Variants in F11 observed in about 807,000 individuals in gnomAD.
F11 encodes the protein coagulation factor XI, also known as coagualtion factor XI.
Under a neutral mutation model 76.5 loss-of-function variants are expected in F11, and 78 were observed. That is an observed-to-expected ratio of 1.02 (90% CI 0.85 to 1.23). The LOEUF is 1.23. F11 is among the 50% of genes most tolerant of loss of function. F11 has a pLI of 0.00. For synonymous variants in F11, 278 were observed against 276.3 expected (o/e 1.01, Z -0.06); for missense variants, 742 against 771.4 (o/e 0.96, Z 0.45).
intron 14 of F11, 147 bp from the exon 15 acceptor site, chr4:186,288,306 C>T (rs1741366602): frequency 1.1e-6 from 1 of 892,410 alleles, no homozygotes; most frequent in South Asian, 1.4e-5. Flanking sequence ...AGGAGATTGA[C>T]TGGATGAACG....
intron 5 of F11, 183 bp downstream of exon 5, chr4:186,274,458 T>A: frequency 2.8e-6 from 2 of 708,976 alleles, no homozygotes; most frequent in Non-Finnish European, 4.8e-6. Context: ...GCATTTCATT[T>A]ATGGTAAGGA....
intron 2 of F11, among the ~76,000 whole-genome samples, 182 bp from the exon 3 acceptor site, chr4:186,271,427 C>T (rs77981687): frequency 8.9e-4 from 136 of 152,302 alleles, no homozygotes; most frequent in African/African-American, 3.1e-3. Flanking sequence ...TTGTGATTTT[C>T]GTTTCCACCT....
rs28934609 is a variant in F11, at chr4:186,288,518, C to A, written c.1782C>A (p.Ser594Arg). The A allele has an allele frequency of 2.5e-6, 4 of 1,614,144 alleles. No homozygotes were observed. Among genetic ancestry groups the A allele is most frequent in the Non-Finnish European group, 3.4e-6 (4 of 1,180,022 alleles). ...NEVWHLVGIT[S>R]WGEGCAQRER... Reference sequence around the variant, plus strand: ...TCTGGCATCTGGTAGGCATCACGAGCTGGGGCGAAGGCTGTGCTCAAAGGG... The same window carrying A: ...TCTGGCATCTGGTAGGCATCACGAGATGGGGCGAAGGCTGTGCTCAAAGGG... Residue 594 changes from serine (S) to arginine (R), a missense_variant, in exon 15 of 15, where the codon AGC becomes AGA. Physicochemically the swap from Ser to Arg is moderately radical, Grantham distance 110. Coordinates refer to ENST00000403665, the MANE Select transcript of F11 (RefSeq NM_000128.4).
In F11 at chr4:186,273,183, A is replaced by T. The variant is rs959968112; in HGVS notation, c.325+6A>T. Reference sequence around the variant, plus strand: ...ATGCTCACACCAAATAAGCGGTAAGATATGTTCTCAGAATCAACAAATACC... The same window carrying T: ...ATGCTCACACCAAATAAGCGGTAAGTTATGTTCTCAGAATCAACAAATACC... On this transcript the variant is annotated splice_donor_region_variant and intron_variant, in intron 4 of 14. Transcript: ENST00000403665. 1.2e-6 allele frequency: 2 copies of T among 1,603,352 alleles called. No homozygotes were observed. The highest frequency in any genetic ancestry group is 3.3e-5 in the Admixed American group (2 of 59,996).
chr4:186,278,594 T>A (rs1179710538), intron 7 of F11, among the ~76,000 whole-genome samples: 1 of 151,860 alleles, frequency 6.6e-6, no homozygotes, highest in Non-Finnish European at 1.5e-5. Context: ...TGTGAAGGAG[T>A]CAGTGATAGC....
At chr4:186,267,787 G>GTTATATTTAATT (rs1277672561) in intron 2 of F11, among the ~76,000 whole-genome samples, 1 of 152,236 alleles carries the variant, frequency 6.6e-6, no homozygotes, top group African/African-American at 2.4e-5. Flanking sequence ...ATGTCTACAT[G>GTTATATTTAATT]TTATATTTAA....
At chr4:186,279,971 T>G (rs1239202570) in intron 7 of F11, 41 bp from the exon 8 acceptor site, 1 of 1,456,274 alleles carries the variant, frequency 6.9e-7, no homozygotes, top group Non-Finnish European at 9.6e-7. Context: ...TTTTTATGTG[T>G]TTGATATGAT....
Position 186,286,561 on chromosome 4 carries a change from C to A in F11, c.1576+51C>A, listed in dbSNP as rs2289254. 0.053 allele frequency: 85,092 copies of A among 1,606,334 alleles called. 2,772 individuals are homozygous for A. Among genetic ancestry groups the A allele is most frequent in the Middle Eastern group, 0.12 (721 of 6,026 alleles). The stretch of plus-strand genomic sequence containing the variant: ...TCCATCCTAGAAATGAAGAGCGGAA[C>A]CTTTTCTGCCCTGTCAAGTCATGTA... On this transcript the variant is annotated intron_variant, in intron 13 of 14. Transcript: ENST00000403665.
At chr4:186,276,156 T>C in intron 6 of F11, 75 bp from the exon 7 acceptor site, 2 of 1,560,544 alleles carry the variant, frequency 1.3e-6, no homozygotes, top group Non-Finnish European at 1.8e-6. Context: ...TAATATGGAA[T>C]TTACACATAC....
At chr4:186,285,616 C>G (rs1561490700) in intron 11 of F11, 22 bp from the exon 12 acceptor site, 1 of 1,612,040 alleles carries the variant, frequency 6.2e-7, no homozygotes, top group Non-Finnish European at 8.5e-7. Context: ...AAATTTCTTT[C>G]CCTCTGTTGT....
chr4:186,270,506 AAC>A (rs1320913673), intron 2 of F11, among the ~76,000 whole-genome samples: 1 of 152,072 alleles, frequency 6.6e-6, no homozygotes, highest in Admixed American at 6.6e-5. Context: ...CCAAGTAGTG[AAC>A]ACAGCCTCCA....
rs372307481 is a variant in F11, at chr4:186,271,815, G to A, written c.218+44G>A. ...ACATCGAGGAGACAGATTTTTAAAG[G>A]GAGATTGCTATTCTTAACACATTTC... On this transcript the variant is annotated intron_variant, in intron 3 of 14. Transcript: ENST00000403665. The A allele has an allele frequency of 4.4e-6, 7 of 1,596,278 alleles. No homozygotes were observed. The African/African-American group carries it at 8.0e-5, about 18-fold the overall frequency.
At chr4:186,284,287 T>C (rs374903090) in intron 11 of F11, 27 bp downstream of exon 11, 137 of 1,538,514 alleles carry the variant, frequency 8.9e-5, no homozygotes, top group Non-Finnish European at 1.1e-4. Context: ...TTTTTATTAG[T>C]TCATCTTCTT....
At chr4:186,280,654 T>A in intron 10 of F11, 74 bp downstream of exon 10, 1 of 1,262,748 alleles carries the variant, frequency 7.9e-7, no homozygotes, top group Non-Finnish European at 1.1e-6. Flanking sequence ...ATCAAGACTG[T>A]CAGTTATAGC....
chr4:186,280,456 T>C lies in F11; in HGVS notation c.1029-18T>C. 6.2e-7 allele frequency: 1 copy of C among 1,614,150 alleles called. No individual in the cohort carries two copies. Among genetic ancestry groups the C allele is most frequent in the Non-Finnish European group, 8.5e-7 (1 of 1,179,994 alleles). ...TGTGAGGTGCATTATGTTTATACCG[T>C]TTTGTTTCCAACTGCAGGGGCAAGT... On this transcript the variant is annotated intron_variant, in intron 9 of 14. Transcript: ENST00000403665.
intron 8 of F11, 24 bp downstream of exon 8, chr4:186,280,145 G>A (rs773315241): frequency 6.2e-7 from 1 of 1,613,894 alleles, no homozygotes; most frequent in South Asian, 1.1e-5. Context: ...TCTGCATTCT[G>A]GCTGAGAGTG....
chr4:186,285,581 G>A lies in F11; in HGVS notation c.1305-57G>A, dbSNP rs1741138420. 2.5e-5 allele frequency: 39 copies of A among 1,546,392 alleles called. No homozygotes were observed. The South Asian group carries it at 3.8e-4, about 15-fold the overall frequency. ...ATTAAACAGCCACACACTTCACAAT[G>A]TCTGGGAATTATTTTTAGTAAAGGA... On this transcript the variant is annotated intron_variant, in intron 11 of 14. Transcript: ENST00000403665.
chr4:186,282,386 G>A (rs889854085), intron 10 of F11: 34 of 985,212 alleles, frequency 3.5e-5, no homozygotes, highest in East Asian at 1.1e-4. Flanking sequence ...TTTTTACTGC[G>A]CTGTATTTGA....
intron 1 of F11, 71 bp from the exon 2 acceptor site, chr4:186,267,065 C>G: frequency 1.0e-6 from 1 of 961,800 alleles, no homozygotes; most frequent in Non-Finnish European, 1.7e-6. Flanking sequence ...TCTTGTAAGT[C>G]TTAGTGTCAG....
Sources: allele counts gnomAD v4.1 joint callset (sites outside exome capture counted in the v4.1 genomes callset), GRCh38; gene constraint gnomAD v4.1.1; transcripts MANE v1.5; gene names NCBI Gene and HGNC (gene_info 2026-07-23, HGNC 2026-07-21).